The following MCM9 variants were observed in gnomAD, a reference collection of about 807,000 sequenced individuals.
MCM9 encodes the protein minichromosome maintenance 9 homologous recombination repair factor, also known as DNA helicase MCM9.
MCM9 carries 55 observed loss-of-function variants against 72.8 expected under a neutral mutation model. That is an observed-to-expected ratio of 0.76 (90% CI 0.61 to 0.95). The LOEUF is 0.95. MCM9 is among the 40% of genes least tolerant of loss of function. MCM9 has a pLI of 0.00. For missense variants in MCM9, 1,279 were observed against 1,377.0 expected (o/e 0.93, Z 1.13); for synonymous variants, 480 against 503.4 (o/e 0.95, Z 0.62).
intron 8 of MCM9, among the ~76,000 whole-genome samples, chr6:118,873,757 A>G (rs1777763070): frequency 6.6e-6 from 1 of 152,214 alleles, no homozygotes. Flanking sequence ...GGCAGAGGGA[A>G]TGATTCCTAG....
intron 8 of MCM9, among the ~76,000 whole-genome samples, chr6:118,863,874 T>C (rs1168331165): frequency 6.6e-6 from 1 of 152,096 alleles, no homozygotes; most frequent in Non-Finnish European, 1.5e-5. Context: ...TTTTATAAAC[T>C]ACCCAGTCTT....
At chr6:118,827,748 C>T (rs886204667) in intron 11 of MCM9, among the ~76,000 whole-genome samples, 179 bp downstream of exon 11, 4 of 152,130 alleles carry the variant, frequency 2.6e-5, no homozygotes, top group African/African-American at 9.7e-5. Context: ...CCAGTCAATA[C>T]TCATAATCTG....
At chr6:118,824,034 C>A (rs927537478) in intron 13 of MCM9, among the ~76,000 whole-genome samples, 10 of 120,098 alleles carry the variant, frequency 8.3e-5, no homozygotes, top group African/African-American at 3.1e-4. Flanking sequence ...AGCAAACCCA[C>A]CTTTTTTTTT....
intron 8 of MCM9, among the ~76,000 whole-genome samples, chr6:118,870,969 C>A (rs1777560755): frequency 6.6e-6 from 1 of 152,016 alleles, no homozygotes; most frequent in Non-Finnish European, 1.5e-5. Flanking sequence ...AAAAGTCTCT[C>A]ATCAAAGAAA....
At position 118,922,065 on chromosome 6, in the gene MCM9, T is replaced by C; in HGVS notation, c.643A>G (p.Ser215Gly). ...QEQVQRLSVG[S>G]IPRSMKVILE... ...ATAACCTTCATAGATCGTGGAATAC[T>C]TCCAACAGATAGCCTTTGAACCTAG... Residue 215 changes from serine (S) to glycine (G), a missense_variant, in exon 5 of 14, where the codon AGT (serine) becomes GGT (glycine). Ser to Gly is a moderately conservative substitution (Grantham distance 56). Coordinates refer to ENST00000619706, the MANE Select transcript of MCM9 (RefSeq NM_017696.3). 1 of 1,612,812 alleles carries C rather than the reference T, an allele frequency of 6.2e-7. No individual in the cohort carries two copies. The highest frequency in any genetic ancestry group is 8.5e-7 in the Non-Finnish European group (1 of 1,179,390).
chr6:118,829,089 T>C lies in MCM9; in HGVS notation c.1487A>G (p.Asp496Gly), dbSNP rs533383513. ...AAAGGAGGAAATGATACGATCCCAGTCTTCATTCTTGGTATCAAGCAAAAC... is the reference window on the plus strand; with the variant it reads ...AAAGGAGGAAATGATACGATCCCAGCCTTCATTCTTGGTATCAAGCAAAAC... ...ILVLLDTKNE[D>G]WDRIISSFIL... The change falls in exon 10 of 14, where the codon GAC becomes GGC. Residue 496 changes from aspartate (D) to glycine (G), a missense_variant. Asp to Gly is a moderately conservative substitution (Grantham distance 94). Coordinates refer to ENST00000619706, the MANE Select transcript of MCM9 (RefSeq NM_017696.3). 6.4e-6 allele frequency: 10 copies of C among 1,550,658 alleles called. No individual in the cohort carries two copies. The African/African-American group carries it at 9.6e-5, about 15-fold the overall frequency.
intron 9 of MCM9, among the ~76,000 whole-genome samples, chr6:118,848,808 C>A (rs1349501537): frequency 6.6e-6 from 1 of 151,988 alleles, no homozygotes. Flanking sequence ...TCTGTAGTCC[C>A]AGCTTCAGGA....
intron 10 of MCM9, 120 bp from the exon 11 acceptor site, chr6:118,828,250 T>C (rs1387729811): frequency 3.7e-6 from 3 of 810,990 alleles, no homozygotes; most frequent in East Asian, 2.7e-5. Context: ...TTTGTGGTTA[T>C]TGAAATCTAG....
chr6:118,913,311 T>C lies in MCM9; in HGVS notation c.1014A>G (p.Thr338=). The C allele has an allele frequency of 6.2e-7, 1 of 1,614,136 alleles. No individual in the cohort carries two copies. The highest frequency in any genetic ancestry group is 8.5e-7 in the Non-Finnish European group (1 of 1,179,992). ...GGTACTAACCTCTGACCCGTGTTCC[T>C]GTAGCATCAGTCCTTTGAATCCCAC... The part of the protein sequence containing the change: ...LAGGIQRTDA[T]GTRVRGESHL... Residue 338 remains threonine (T), a synonymous_variant, in exon 7 of 14, where the codon ACA becomes ACG. Transcript: ENST00000619706.
At chr6:118,906,464 A>G (rs1274832766) in intron 8 of MCM9, among the ~76,000 whole-genome samples, 1 of 152,144 alleles carries the variant, frequency 6.6e-6, no homozygotes, top group Non-Finnish European at 1.5e-5. Flanking sequence ...GTTCATTTCA[A>G]CCTTTAGGAC....
At chr6:118,906,229 C>T (rs138090462) in intron 8 of MCM9, among the ~76,000 whole-genome samples, 4 of 152,234 alleles carry the variant, frequency 2.6e-5, no homozygotes, top group East Asian at 3.9e-4. Context: ...TATACCAACA[C>T]GCCCAGATAA....
At chr6:118,826,901 T>C (rs1404061461) in intron 11 of MCM9, 37 bp from the exon 12 acceptor site, 4 of 1,499,334 alleles carry the variant, frequency 2.7e-6, no homozygotes, top group Non-Finnish European at 3.6e-6. Context: ...TTAGGAATAT[T>C]TGAGGTGAGA....
chr6:118,933,905 C>A (rs962798989), intron 1 of MCM9, among the ~76,000 whole-genome samples: 9 of 132,290 alleles, frequency 6.8e-5, no homozygotes, highest in African/African-American at 2.2e-4. Context: ...ATAAATTCAG[C>A]CAAGTGTAAA....
At chr6:118,820,214 A>T (rs945398138) in intron 13 of MCM9, among the ~76,000 whole-genome samples, 3 of 152,000 alleles carry the variant, frequency 2.0e-5, no homozygotes, top group African/African-American at 7.2e-5. Context: ...TTGTGATGTT[A>T]GGGTGTCAAT....
chr6:118,846,678 C>A (rs897461214), intron 9 of MCM9, among the ~76,000 whole-genome samples: 2 of 151,594 alleles, frequency 1.3e-5, no homozygotes, highest in Admixed American at 1.3e-4. Flanking sequence ...TATTAAACAT[C>A]CTATAGAAAC....
At chr6:118,906,865 G>T (rs1054652903) in intron 8 of MCM9, among the ~76,000 whole-genome samples, 1 of 151,992 alleles carries the variant, frequency 6.6e-6, no homozygotes, top group Non-Finnish European at 1.5e-5. Flanking sequence ...TAATAAGGCC[G>T]GACTATTTTT....
At chr6:118,819,074 ATTTAGC>A (rs1773608274) in intron 13 of MCM9, among the ~76,000 whole-genome samples, 1 of 151,632 alleles carries the variant, frequency 6.6e-6, no homozygotes, top group African/African-American at 2.4e-5. Flanking sequence ...AACAGAGACA[ATTTAGC>A]TTCCTCTCTT....
intron 8 of MCM9, among the ~76,000 whole-genome samples, chr6:118,881,555 G>A (rs1430655460): frequency 6.6e-6 from 1 of 152,082 alleles, no homozygotes; most frequent in African/African-American, 2.4e-5. Context: ...CACCAAGGGA[G>A]GAAAAATGGC....
At chr6:118,826,342 C>G (rs1446335088) in intron 12 of MCM9, 50 bp from the exon 13 acceptor site, 4 of 1,526,568 alleles carry the variant, frequency 2.6e-6, no homozygotes, top group Middle Eastern at 2.0e-4. Flanking sequence ...GCCTGCATAG[C>G]GGTAAGTACA....
Sources: gnomAD v4.1 joint callset for allele counts (sites outside exome capture counted in the v4.1 genomes callset) on GRCh38, gnomAD v4.1.1 for gene constraint, MANE v1.5 for transcripts, NCBI Gene and HGNC (gene_info 2026-07-23, HGNC 2026-07-21) for gene names.